The following CLASP1 variants were observed in gnomAD, a reference collection of about 807,000 sequenced individuals.
The protein encoded by CLASP1 is cytoplasmic linker associated protein 1, also known as CLIP-associating protein 1.
In CLASP1, 38 loss-of-function variants were observed where a neutral mutation model predicts 192.3. The ratio of observed to expected loss-of-function variants is 0.20; its 90% confidence interval spans 0.15 to 0.26. The LOEUF (loss-of-function observed/expected upper bound fraction) is 0.26. Ranked by LOEUF, CLASP1 falls within the 10% of genes least tolerant of loss-of-function variation. The pLI is 1.00. For synonymous variants in CLASP1, 691 were observed against 712.8 expected (o/e 0.97, Z 0.49); for missense variants, 1,433 against 1,932.5 (o/e 0.74, Z 4.85).
intron 25 of CLASP1, among the ~76,000 whole-genome samples, chr2:121,406,749 C>T (rs1213970724): frequency 1.3e-5 from 2 of 152,150 alleles, no homozygotes; most frequent in Non-Finnish European, 2.9e-5. Flanking sequence ...ATCACCACAT[C>T]CGGCTAATGT....
At chr2:121,626,576 G>T (rs1336209577) in intron 1 of CLASP1, among the ~76,000 whole-genome samples, 1 of 138,968 alleles carries the variant, frequency 7.2e-6, no homozygotes, top group African/African-American at 3.2e-5. Flanking sequence ...CCAGAATTTT[G>T]ATTCCTTTTT....
intron 2 of CLASP1, among the ~76,000 whole-genome samples, chr2:121,541,835 A>G (rs995442179): frequency 1.3e-5 from 2 of 152,178 alleles, no homozygotes; most frequent in Non-Finnish European, 2.9e-5. Flanking sequence ...GTTTTAACAA[A>G]ATGCTCGGAA....
intron 25 of CLASP1, among the ~76,000 whole-genome samples, 158 bp downstream of exon 26, chr2:121,407,313 A>G (rs1041048967): frequency 3.9e-5 from 6 of 152,088 alleles, no homozygotes; most frequent in African/African-American, 1.4e-4. Context: ...TGTCTTAGTC[A>G]TCTTGGTACC....
At chr2:121,572,776 C>T (rs551557527) in intron 2 of CLASP1, among the ~76,000 whole-genome samples, 7 of 151,922 alleles carry the variant, frequency 4.6e-5, no homozygotes, top group African/African-American at 1.5e-4. Flanking sequence ...TAAAAGTTAA[C>T]CCCAGACTTC....
intron 14 of CLASP1, among the ~76,000 whole-genome samples, chr2:121,455,757 G>C (rs72969319): frequency 1.3e-5 from 2 of 152,280 alleles, no homozygotes; most frequent in African/African-American, 4.8e-5. Context: ...AGCTACTTGG[G>C]AGACTGAGGC....
At chr2:121,423,212 C>CAA (rs2079810703) in intron 22 of CLASP1, among the ~76,000 whole-genome samples, 1 of 152,046 alleles carries the variant, frequency 6.6e-6, no homozygotes, top group Non-Finnish European at 1.5e-5. Context: ...TGTATGACCT[C>CAA]AAAGCTCTAC....
chr2:121,398,397 G>A, exon 29 of CLASP1: 3 of 1,584,658 alleles, frequency 1.9e-6, no homozygotes, highest in Non-Finnish European at 2.6e-6. Context: ...ATGGAAAGGA[G>A]TCCCTAGGTT....
At chr2:121,378,113 G>A (rs1206190337) in intron 33 of CLASP1, among the ~76,000 whole-genome samples, 1 of 152,114 alleles carries the variant, frequency 6.6e-6, no homozygotes, top group East Asian at 1.9e-4. Flanking sequence ...ACAAGGCTAG[G>A]TTATACTCCC....
chr2:121,411,219 G>A (rs2077654368), intron 23 of CLASP1, among the ~76,000 whole-genome samples: 1 of 152,200 alleles, frequency 6.6e-6, no homozygotes, highest in African/African-American at 2.4e-5. Context: ...TTTCTGATAT[G>A]AGAGGGAAGC....
chr2:121,350,880 TTAGA>T (rs984505416), intron 37 of CLASP1, among the ~76,000 whole-genome samples: 8 of 152,238 alleles, frequency 5.3e-5, no homozygotes, highest in African/African-American at 1.9e-4. Flanking sequence ...TTCATACTTT[TTAGA>T]TAGATAGAAA....
intron 19 of CLASP1, among the ~76,000 whole-genome samples, chr2:121,445,126 G>GT (rs1419363173): frequency 1.3e-5 from 2 of 152,228 alleles, no homozygotes; most frequent in African/African-American, 2.4e-5. Context: ...TCTGAAGCAA[G>GT]TAAGTGTGCC....
intron 2 of CLASP1, among the ~76,000 whole-genome samples, chr2:121,553,247 C>T (rs1384112656): frequency 1.3e-5 from 2 of 152,038 alleles, no homozygotes; most frequent in South Asian, 2.1e-4. Flanking sequence ...GGGTACTGGG[C>T]TTAATACCTG....
chr2:121,638,457 G>T (rs142142760), intron 1 of CLASP1, among the ~76,000 whole-genome samples: 1 of 151,878 alleles, frequency 6.6e-6, no homozygotes, highest in Admixed American at 6.6e-5. Flanking sequence ...CCCAAATGAC[G>T]CAACAATTCC....
chr2:121,594,228 A>G (rs1183643624), intron 2 of CLASP1, among the ~76,000 whole-genome samples: 3 of 148,880 alleles, frequency 2.0e-5, no homozygotes, highest in Non-Finnish European at 3.0e-5. Flanking sequence ...TGAACCCGGG[A>G]GGCGGAGCTT....
rs114174893 is a variant in CLASP1, at chr2:121,622,878, T to C, written c.-285-16698A>G. Among the ~76,000 whole-genome samples, 1,078 of 152,226 alleles carry C rather than the reference T, an allele frequency of 7.1e-3. 13 individuals are homozygous for C. The highest frequency in any genetic ancestry group is 0.024 in the African/African-American group (989 of 41,540). ...CCTTTTCTTTCTTTTTCTTCCCTAA[T>C]TGTCCCGGCTAGAACCTCCAATACA... On this transcript the variant is annotated intron_variant, in intron 1 of 39. Coordinates refer to ENST00000263710, the Ensembl canonical transcript of CLASP1.
chr2:121,351,089 C>T (rs544677094), intron 37 of CLASP1, among the ~76,000 whole-genome samples: 46 of 152,282 alleles, frequency 3.0e-4, no homozygotes, highest in African/African-American at 7.9e-4. Context: ...GCACCTCATT[C>T]GTCTTCCTGA....
chr2:121,515,708 G>A, exon 7 of CLASP1: 3 of 1,613,864 alleles, frequency 1.9e-6, no homozygotes, highest in South Asian at 1.1e-5. Context: ...GCCCTCACAC[G>A]TTCTCCTACA....
intron 12 of CLASP1, 177 bp downstream of exon 12, chr2:121,459,803 A>C: frequency 2.1e-6 from 1 of 466,418 alleles, no homozygotes; most frequent in Non-Finnish European, 3.7e-6. Context: ...GTCACACTTC[A>C]CATAATTGAG....
chr2:121,412,239 G>T (rs1026610795), intron 23 of CLASP1, among the ~76,000 whole-genome samples: 19 of 152,200 alleles, frequency 1.2e-4, no homozygotes, highest in African/African-American at 4.1e-4. Flanking sequence ...TAGTTATACA[G>T]TCATGAATTT....
Sources: allele counts gnomAD v4.1 joint callset (sites outside exome capture counted in the v4.1 genomes callset), GRCh38; gene constraint gnomAD v4.1.1; transcripts MANE v1.5; gene names NCBI Gene and HGNC (gene_info 2026-07-23, HGNC 2026-07-21).